Variants in OXR1 observed in about 807,000 individuals in gnomAD.
OXR1 encodes oxidation resistance 1.
OXR1 carries 41 observed loss-of-function variants against 104.6 expected under a neutral mutation model. That is an observed-to-expected ratio of 0.39 (90% confidence interval 0.31 to 0.51). The LOEUF (loss-of-function observed/expected upper bound fraction) is 0.51, where lower values mean the gene tolerates loss of function less well. OXR1 is among the 20% of genes least tolerant of loss of function. OXR1 has a pLI of 0.77. For synonymous variants in OXR1, 348 were observed against 348.4 expected (o/e 1.00, Z 0.01); for missense variants, 955 against 1,031.9 (o/e 0.93, Z 1.02).
chr8:106,356,822 A>G (rs1347764028), intron 1 of OXR1, among the ~76,000 whole-genome samples: 1 of 152,120 alleles, frequency 6.6e-6, no homozygotes, highest in Non-Finnish European at 1.5e-5. Flanking sequence ...AAGTTAATGC[A>G]AGGAAAGAAG....
Position 106,706,840 on chromosome 8 carries a change from G to A in OXR1, c.1319G>A (p.Ser440Asn), listed in dbSNP as rs1261762959. ...GGAATATCAGGTCCTAAAGAAGACA[G>A]CACAAGTATAAAAGGTAATTCAGAC... ...FQGISGPKEDSTSIKGNSDQD... is the reference protein window; with the variant it reads ...FQGISGPKEDNTSIKGNSDQD... The change falls in exon 9 of 17, where the codon AGC becomes AAC. Residue 440 changes from serine to asparagine, a missense_variant. This residue lies in a region of OXR1 where 849 missense variants were observed against 852.9 expected (regional missense o/e 1.00). Transcript: ENST00000517566. The A allele has an allele frequency of 6.2e-7, 1 of 1,612,540 alleles. No homozygotes were observed.
At chr8:106,644,468 C>T (rs1823912855) in intron 3 of OXR1, among the ~76,000 whole-genome samples, 1 of 152,104 alleles carries the variant, frequency 6.6e-6, no homozygotes, top group Non-Finnish European at 1.5e-5. Context: ...GTGTATATTT[C>T]TTGATGTATT....
At chr8:106,404,492 C>T (rs1818134928) in intron 2 of OXR1, among the ~76,000 whole-genome samples, 1 of 152,060 alleles carries the variant, frequency 6.6e-6, no homozygotes, top group South Asian at 2.1e-4. Context: ...CAATCTTAGC[C>T]CTATGGCTAC....
intron 3 of OXR1, among the ~76,000 whole-genome samples, chr8:106,675,413 T>C (rs1554617675): frequency 6.6e-6 from 1 of 152,106 alleles, no homozygotes; most frequent in Non-Finnish European, 1.5e-5. Flanking sequence ...CAAGCATATA[T>C]GGGGCATTTA....
At chr8:106,307,729 A>G (rs894437004) in intron 1 of OXR1, among the ~76,000 whole-genome samples, 1 of 152,144 alleles carries the variant, frequency 6.6e-6, no homozygotes, top group Non-Finnish European at 1.5e-5. Flanking sequence ...AAATGAGTAC[A>G]TAGTTTGACA....
chr8:106,721,834 C>T (rs551162887), intron 11 of OXR1, among the ~76,000 whole-genome samples: 3 of 152,180 alleles, frequency 2.0e-5, no homozygotes, highest in East Asian at 1.9e-4. Flanking sequence ...ATATGTAACC[C>T]GTTCTTAGCA....
intron 8 of OXR1, among the ~76,000 whole-genome samples, chr8:106,705,431 A>G (rs1475987737): frequency 2.0e-5 from 3 of 152,186 alleles, no homozygotes; most frequent in Non-Finnish European, 4.4e-5. Context: ...GAAAAGCGGA[A>G]CAAGACAAAG....
At chr8:106,489,666 T>TA (rs2129840022) in intron 2 of OXR1, among the ~76,000 whole-genome samples, 1 of 152,278 alleles carries the variant, frequency 6.6e-6, no homozygotes, top group African/African-American at 2.4e-5. Context: ...ATTGTTCTGA[T>TA]ATGGTTTTTA....
chr8:106,395,015 G>C (rs1459580362), intron 2 of OXR1, among the ~76,000 whole-genome samples: 1 of 149,604 alleles, frequency 6.7e-6, no homozygotes, highest in African/African-American at 2.5e-5. Flanking sequence ...GGGGGGAAAA[G>C]TAATTGACCT....
Position 106,739,595 on chromosome 8 carries a change from T to G in OXR1, c.2163+12T>G. 5.0e-6 allele frequency: 8 copies of G among 1,611,756 alleles called. No homozygotes were observed. The South Asian group carries it at 8.8e-5, about 18-fold the overall frequency. Reference sequence around the variant, plus strand: ...ATCAAATTGAAAAGGTATGACATGCTCACATATGTGCATTTCTGAGTGTGA... The same window carrying G: ...ATCAAATTGAAAAGGTATGACATGCGCACATATGTGCATTTCTGAGTGTGA... On this transcript the variant is annotated intron_variant, in intron 13 of 16. Transcript: ENST00000517566.
At chr8:106,440,770 G>C (rs572708265) in intron 2 of OXR1, among the ~76,000 whole-genome samples, 1 of 152,142 alleles carries the variant, frequency 6.6e-6, no homozygotes, top group South Asian at 2.1e-4. Context: ...TTTAGCTTTA[G>C]TCTTTGAAAA....
chr8:106,319,491 T>G (rs1011899399), intron 1 of OXR1, among the ~76,000 whole-genome samples: 3 of 152,198 alleles, frequency 2.0e-5, no homozygotes, highest in Non-Finnish European at 4.4e-5. Context: ...CAAGGCATAT[T>G]GAGGTAGAGC....
intron 2 of OXR1, among the ~76,000 whole-genome samples, chr8:106,379,066 T>G (rs1384975758): frequency 6.6e-6 from 1 of 152,164 alleles, no homozygotes; most frequent in Non-Finnish European, 1.5e-5. Context: ...ACAACTAAGT[T>G]GATTAGTATA....
intron 3 of OXR1, among the ~76,000 whole-genome samples, chr8:106,598,633 T>C (rs1819707607): frequency 6.6e-6 from 1 of 152,228 alleles, no homozygotes; most frequent in Admixed American, 6.5e-5. Context: ...TGTATAGTAA[T>C]TCTAACTAAT....
rs545386755 is a variant in OXR1, at chr8:106,591,089, A to T, written c.220+71950A>T. Reference sequence around the variant, plus strand: ...TAAGAAAATGTGGCACATTTACACCACGGAATACTATGCAGCCATAAAAAA... The same window carrying T: ...TAAGAAAATGTGGCACATTTACACCTCGGAATACTATGCAGCCATAAAAAA... On this transcript the variant is annotated intron_variant, in intron 3 of 16. Coordinates refer to ENST00000517566, the MANE Select transcript of OXR1 (RefSeq NM_001198533.2). Among the ~76,000 whole-genome samples, 92 of 152,012 alleles carry T rather than the reference A, an allele frequency of 6.1e-4. 1 individual carries two copies. In the South Asian group the frequency reaches 0.011, roughly 18 times the overall value.
intron 3 of OXR1, among the ~76,000 whole-genome samples, chr8:106,577,211 G>GT (rs1416411408): frequency 6.7e-6 from 1 of 148,598 alleles, no homozygotes; most frequent in African/African-American, 2.5e-5. Flanking sequence ...GTTTTGTTTT[G>GT]TTTTTTGTTT....
At chr8:106,384,819 A>G (rs1042081605) in intron 2 of OXR1, among the ~76,000 whole-genome samples, 2 of 148,866 alleles carry the variant, frequency 1.3e-5, no homozygotes, top group East Asian at 2.0e-4. Context: ...GGTTCAAGCT[A>G]TTCTCCTGCC....
At chr8:106,523,523 A>G (rs190061041) in intron 3 of OXR1, among the ~76,000 whole-genome samples, 2 of 152,288 alleles carry the variant, frequency 1.3e-5, no homozygotes, top group South Asian at 2.1e-4. Flanking sequence ...AATATTCTAT[A>G]GAATATGAAA....
intron 3 of OXR1, among the ~76,000 whole-genome samples, chr8:106,556,064 A>G (rs1348725658): frequency 2.6e-5 from 4 of 151,954 alleles, no homozygotes; most frequent in Non-Finnish European, 5.9e-5. Context: ...CACATATTGT[A>G]TGAATCAATT....
Sources: allele counts gnomAD v4.1 joint callset (sites outside exome capture counted in the v4.1 genomes callset), GRCh38; gene constraint gnomAD v4.1.1; regional missense constraint gnomAD v4.1.1; transcripts MANE v1.5; gene names NCBI Gene and HGNC (gene_info 2026-07-23, HGNC 2026-07-21).